KAZN: variants seen among roughly 807,000 people sequenced by gnomAD.
KAZN encodes the protein kazrin, periplakin interacting protein.
KAZN carries 40 observed loss-of-function variants against 87.4 expected under a neutral mutation model. That is an observed-to-expected ratio of 0.46 (90% confidence interval 0.36 to 0.60). KAZN has a LOEUF of 0.60. Ranked by LOEUF, KAZN falls within the 20% of genes least tolerant of loss-of-function variation. KAZN has a pLI of 0.00. For synonymous variants in KAZN, 466 were observed against 458.3 expected (o/e 1.02, Z -0.22); for missense variants, 898 against 1,073.9 (o/e 0.84, Z 2.29).
Position 14,660,843 on chromosome 1 carries a change from A to G in KAZN, c.226+61620A>G, listed in dbSNP as rs148547393. Among the ~76,000 whole-genome samples the G allele has an allele frequency of 4.3e-3, 661 of 152,268 alleles. 14 individuals are homozygous for G. The highest frequency in any genetic ancestry group is 0.042 in the East Asian group (218 of 5,184). The stretch of plus-strand genomic sequence containing the variant: ...TGTGCAAATAAGATCCTCCTCATTT[A>G]TGTTACATTTTAGCCTTTGCTTTTT... On this transcript the variant is annotated intron_variant, in intron 1 of 14. Coordinates refer to ENST00000376030, the MANE Select transcript of KAZN (RefSeq NM_201628.3).
intron 1 of KAZN, among the ~76,000 whole-genome samples, chr1:14,040,656 G>A (rs566360778): frequency 6.6e-6 from 1 of 152,194 alleles, no homozygotes; most frequent in East Asian, 1.9e-4. Context: ...CAGCTACTCA[G>A]GCTGGGGCTG....
At chr1:14,733,373 A>G (rs1643765527) in intron 1 of KAZN, among the ~76,000 whole-genome samples, 1 of 152,156 alleles carries the variant, frequency 6.6e-6, no homozygotes, top group Non-Finnish European at 1.5e-5. Context: ...ATGGGAACAG[A>G]GAAGTTCTTT....
At chr1:14,171,447 C>T (rs1287252568) in intron 1 of KAZN, among the ~76,000 whole-genome samples, 2 of 152,114 alleles carry the variant, frequency 1.3e-5, no homozygotes, top group Admixed American at 6.6e-5. Flanking sequence ...TCCTTGCCTC[C>T]AGCATCAACT....
intron 1 of KAZN, among the ~76,000 whole-genome samples, chr1:14,743,607 C>T (rs141004751): frequency 0.033 from 5,039 of 152,132 alleles, 100 homozygotes; most frequent in South Asian, 0.082. Context: ...TATAGGTCAT[C>T]GCTGGCATTT....
intron 2 of KAZN, among the ~76,000 whole-genome samples, chr1:14,218,429 C>T (rs1275959561): frequency 1.3e-5 from 2 of 152,072 alleles, no homozygotes; most frequent in Non-Finnish European, 2.9e-5. Flanking sequence ...AACAGCTATT[C>T]TTGGGAAATT....
intron 2 of KAZN, among the ~76,000 whole-genome samples, chr1:14,192,748 C>T (rs2100366986): frequency 6.6e-6 from 1 of 152,256 alleles, no homozygotes; most frequent in African/African-American, 2.4e-5. Context: ...AATGGATGCC[C>T]TACACTGCAT....
At chr1:14,850,181 G>T (rs1392316893) in intron 1 of KAZN, among the ~76,000 whole-genome samples, 1 of 152,118 alleles carries the variant, frequency 6.6e-6, no homozygotes, top group Non-Finnish European at 1.5e-5. Flanking sequence ...TGATCCGCCT[G>T]CCTCAGCCTC....
intron 1 of KAZN, among the ~76,000 whole-genome samples, chr1:14,678,032 A>C (rs1341496394): frequency 6.6e-6 from 1 of 152,218 alleles, no homozygotes; most frequent in Non-Finnish European, 1.5e-5. Flanking sequence ...GTGTGGCAGA[A>C]GGGACTGAGA....
At chr1:14,560,556 C>T (rs768718998) in intron 2 of KAZN, among the ~76,000 whole-genome samples, 3 of 152,038 alleles carry the variant, frequency 2.0e-5, no homozygotes, top group African/African-American at 4.8e-5. Flanking sequence ...CCAGCCTGGG[C>T]GACAGAGCGA....
At chr1:14,967,087 T>C (rs1285498197) in intron 2 of KAZN, among the ~76,000 whole-genome samples, 2 of 152,174 alleles carry the variant, frequency 1.3e-5, no homozygotes, top group East Asian at 3.9e-4. Context: ...TGATGGGCGA[T>C]GGTCACGGTG....
intron 2 of KAZN, among the ~76,000 whole-genome samples, chr1:14,400,497 G>T (rs533475284): frequency 2.6e-5 from 4 of 152,260 alleles, no homozygotes; most frequent in African/African-American, 9.6e-5. Flanking sequence ...GCAGATCTGG[G>T]ATCAGAACCC....
At chr1:14,560,877 G>C (rs934379052) in intron 2 of KAZN, among the ~76,000 whole-genome samples, 2 of 140,994 alleles carry the variant, frequency 1.4e-5, no homozygotes, top group African/African-American at 4.9e-5. Flanking sequence ...AACACAGCCA[G>C]GCCTTACATC....
At chr1:14,833,686 A>G (rs906248348) in intron 1 of KAZN, among the ~76,000 whole-genome samples, 1 of 152,022 alleles carries the variant, frequency 6.6e-6, no homozygotes, top group East Asian at 1.9e-4. Context: ...TTGTTGATGT[A>G]CAGGTGCCCG....
In KAZN at chr1:14,605,240, T is replaced by C. The variant is rs140323433; in HGVS notation, c.226+6017T>C. On this transcript the variant is annotated intron_variant, in intron 1 of 14. Transcript: ENST00000376030. The stretch of plus-strand genomic sequence containing the variant: ...TAGCAGTAAATGAGAACTGGTTTCA[T>C]TGCTTTGGTCAAACTTTTTAATAAA... Among the ~76,000 whole-genome samples the C allele has an allele frequency of 7.4e-4, 112 of 152,340 alleles. 1 individual carries two copies. In the South Asian group the frequency reaches 0.015, roughly 21 times the overall value.
At chr1:14,761,347 C>T (rs1028937012) in intron 1 of KAZN, among the ~76,000 whole-genome samples, 2 of 152,156 alleles carry the variant, frequency 1.3e-5, no homozygotes, top group African/African-American at 4.8e-5. Context: ...CTCCCCCAAG[C>T]CCCTCTGTTC....
At chr1:14,491,511 C>G (rs1669648131) in intron 2 of KAZN, among the ~76,000 whole-genome samples, 2 of 152,132 alleles carry the variant, frequency 1.3e-5, no homozygotes, top group African/African-American at 4.8e-5. Flanking sequence ...GTCCATGTTA[C>G]TCTTTTGATA....
rs113852341 is a variant in KAZN at position 14,453,158 on chromosome 1, T to C, written c.250-145825T>C. Among the ~76,000 whole-genome samples the C allele has an allele frequency of 3.3e-3, 507 of 152,152 alleles. 3 individuals are homozygous for C. Among genetic ancestry groups the C allele is most frequent in the Middle Eastern group, 0.01 (3 of 294 alleles). On this transcript the variant is annotated intron_variant, in intron 2 of 16. Transcript: ENST00000636203. ...ATTTAGTAGAGACAGGGTTTCACCA[T>C]GTTATCCAGGATTGTCTCGATCTCC...
intron 2 of KAZN, among the ~76,000 whole-genome samples, chr1:14,244,097 T>C (rs1424786330): frequency 6.6e-6 from 1 of 152,212 alleles, no homozygotes; most frequent in African/African-American, 2.4e-5. Flanking sequence ...TCACCCGCCA[T>C]GTGGCTTCTG....
intron 1 of KAZN, among the ~76,000 whole-genome samples, chr1:13,995,660 A>G (rs534877844): frequency 3.9e-5 from 6 of 152,280 alleles, no homozygotes; most frequent in African/African-American, 1.4e-4. Flanking sequence ...TAGGTGTAGA[A>G]ATTTCACAGT....
Sources: allele counts gnomAD v4.1 joint callset (sites outside exome capture counted in the v4.1 genomes callset), GRCh38; gene constraint gnomAD v4.1.1; transcripts MANE v1.5; gene names NCBI Gene and HGNC (gene_info 2026-07-23, HGNC 2026-07-21).